ATP11A: variants seen among roughly 807,000 people sequenced by gnomAD.
ATP11A encodes the protein ATPase phospholipid transporting 11A.
In ATP11A, 81 loss-of-function variants were observed where a neutral mutation model predicts 154.4. The ratio of observed to expected loss-of-function variants is 0.52; its 90% CI spans 0.44 to 0.63. ATP11A has a LOEUF of 0.63. Among genes scored for constraint, ATP11A ranks in the 30% least tolerant of loss-of-function variants. The pLI is 0.00. For synonymous variants in ATP11A, 623 were observed against 585.9 expected (o/e 1.06, Z -0.91); for missense variants, 1,316 against 1,474.3 (o/e 0.89, Z 1.76).
Position 112,832,941 on chromosome 13 carries a change from A to G in ATP11A, c.1477A>G (p.Arg493Gly), listed in dbSNP as rs1299732650. The G allele has an allele frequency of 6.2e-7, 1 of 1,614,010 alleles. No individual in the cohort carries two copies. Among genetic ancestry groups the G allele is most frequent in the South Asian group, 1.1e-5 (1 of 91,076 alleles). ...AGACGATGACAGCGTAGACGGCCCC[A>G]GGAAATCGCCGGACGGGGGGAAATC... is the stretch of plus-strand genomic sequence containing the variant. ...VKDDDSVDGPRKSPDGGKSCV... is the reference protein window; with the variant it reads ...VKDDDSVDGPGKSPDGGKSCV... Residue 493 changes from arginine to glycine, a missense_variant, in exon 14 of 30, where the codon AGG becomes GGG. By Grantham distance (125) the Arg-to-Gly change is moderately radical (BLOSUM62 -2). Transcript: ENST00000375645.
chr13:112,755,287 T>C (rs17694810), intron 1 of ATP11A, among the ~76,000 whole-genome samples: 3,362 of 152,228 alleles, frequency 0.022, 51 homozygotes, highest in Non-Finnish European at 0.033. Context: ...CGCTGGGTTT[T>C]CGTGTCTTCT....
intron 2 of ATP11A, among the ~76,000 whole-genome samples, chr13:112,791,803 T>G (rs996615842): frequency 6.6e-6 from 1 of 152,190 alleles, no homozygotes; most frequent in Non-Finnish European, 1.5e-5. Flanking sequence ...CTTCAGTTTC[T>G]GATCCGGGGA....
At chr13:112,772,028 G>A (rs1470725263) in intron 1 of ATP11A, among the ~76,000 whole-genome samples, 2 of 152,226 alleles carry the variant, frequency 1.3e-5, no homozygotes, top group Non-Finnish European at 2.9e-5. Context: ...CGAGGCGGCA[G>A]CGGCTGAGGC....
chr13:112,791,615 C>G (rs1232519562), intron 2 of ATP11A, among the ~76,000 whole-genome samples: 3 of 152,214 alleles, frequency 2.0e-5, no homozygotes, highest in Non-Finnish European at 4.4e-5. Context: ...GACCCCTCTG[C>G]TGTGTCATTC....
At chr13:112,704,993 G>A (rs902539910) in intron 1 of ATP11A, among the ~76,000 whole-genome samples, 1 of 152,158 alleles carries the variant, frequency 6.6e-6, no homozygotes, top group African/African-American at 2.4e-5. Context: ...TTCACTTTCC[G>A]ATAAAATGCC....
intron 1 of ATP11A, among the ~76,000 whole-genome samples, chr13:112,736,422 C>T (rs1003692153): frequency 7.9e-5 from 12 of 152,152 alleles, no homozygotes; most frequent in Admixed American, 7.2e-4. Context: ...CTGGGGTGGC[C>T]TGGAGCTTTC....
In ATP11A at chr13:112,816,153, G is replaced by A. The variant is rs775181497; in HGVS notation, c.512G>A (p.Arg171Gln). The part of the protein sequence containing the change: ...PCDLIFLSSN[R>Q]GDGTCHVTTA... ...GACTTGATCTTCCTTTCCAGCAACC[G>A]GGGAGATGGGACGTGCCACGTCACC... The change falls in exon 6 of 30, where the codon CGG becomes CAG. Residue 171 changes from arginine to glutamine, a missense_variant. Physicochemically the swap from Arg to Gln is conservative, Grantham distance 43. Around this residue, in one of 5 missense-constraint regions of ATP11A, gnomAD observed 876 missense variants for 1,006.8 expected, o/e 0.87. Coordinates refer to ENST00000375645, the MANE Select transcript of ATP11A (RefSeq NM_015205.3). 31 of 1,614,038 alleles carry A rather than the reference G, an allele frequency of 1.9e-5. No homozygotes were observed. The highest frequency in any genetic ancestry group is 9.9e-5 in the South Asian group (9 of 91,090).
At position 112,710,259 on chromosome 13, in the gene ATP11A, T is replaced by G. The variant is rs555401986; in HGVS notation, c.39+19804T>G. Among the ~76,000 whole-genome samples the G allele has an allele frequency of 6.6e-5, 10 of 152,310 alleles. 1 individual carries two copies. In the South Asian group the frequency reaches 2.1e-3, roughly 32 times the overall value. On this transcript the variant is annotated intron_variant, in intron 1 of 29. Transcript: ENST00000375645. ...GGGGGCCCTTTGGAAAGGCTCTTTC[T>G]CACAAAGAATGCATCGTGTTCGCAA...
intron 1 of ATP11A, among the ~76,000 whole-genome samples, chr13:112,725,132 A>G (rs1433610162): frequency 1.3e-5 from 2 of 151,838 alleles, no homozygotes; most frequent in East Asian, 1.9e-4. Context: ...CCCTCTGTCA[A>G]CCCTGTTCTG....
intron 2 of ATP11A, among the ~76,000 whole-genome samples, chr13:112,792,326 G>GA (rs34777567): frequency 5.6e-4 from 85 of 150,506 alleles, no homozygotes; most frequent in African/African-American, 1.5e-3. Context: ...CAGGATGTGT[G>GA]AAAAAAAAAT....
At chr13:112,792,327 A>G (rs886791767) in intron 2 of ATP11A, among the ~76,000 whole-genome samples, 4 of 151,298 alleles carry the variant, frequency 2.6e-5, no homozygotes, top group African/African-American at 9.7e-5. Flanking sequence ...AGGATGTGTG[A>G]AAAAAAAATG....
At chr13:112,871,184 C>T (rs1218723593) in intron 25 of ATP11A, among the ~76,000 whole-genome samples, 2 of 152,188 alleles carry the variant, frequency 1.3e-5, no homozygotes, top group Non-Finnish European at 2.9e-5. Context: ...ACGTTCCCGC[C>T]GCTGTTCTTC....
chr13:112,820,312 T>G (rs2078764935), intron 8 of ATP11A, among the ~76,000 whole-genome samples: 1 of 152,220 alleles, frequency 6.6e-6, no homozygotes, highest in African/African-American at 2.4e-5. Context: ...TCTTCAGATA[T>G]GAAATTGAAA....
chr13:112,864,345 G>GC (rs1452791128), intron 25 of ATP11A, among the ~76,000 whole-genome samples: 2 of 25,210 alleles, frequency 7.9e-5, no homozygotes, highest in African/African-American at 2.8e-4. Flanking sequence ...TTCAGTGCAG[G>GC]CCATGCAGCT....
chr13:112,731,457 C>T (rs1166246412), intron 1 of ATP11A, among the ~76,000 whole-genome samples: 7 of 152,098 alleles, frequency 4.6e-5, no homozygotes, highest in South Asian at 2.1e-4. Context: ...GTCCACAGCC[C>T]AAGTCTCATT....
chr13:112,718,272 C>G (rs527333284), intron 1 of ATP11A, among the ~76,000 whole-genome samples: 2 of 152,318 alleles, frequency 1.3e-5, no homozygotes, highest in African/African-American at 4.8e-5. Flanking sequence ...ATTAAAAGCA[C>G]CTGGATTTTT....
intron 25 of ATP11A, among the ~76,000 whole-genome samples, chr13:112,869,464 G>C (rs1050386720): frequency 2.0e-5 from 3 of 152,244 alleles, no homozygotes; most frequent in Non-Finnish European, 4.4e-5. Context: ...AGAGGGGACA[G>C]TGAGGAGGCC....
intron 26 of ATP11A, 175 bp from the exon 27 acceptor site, chr13:112,873,398 G>C (rs4907555): frequency 2.0e-6 from 1 of 498,032 alleles, no homozygotes; most frequent in East Asian, 3.6e-5. Flanking sequence ...CTTCCTGAGC[G>C]GTGTGAGGTG....
At chr13:112,789,378 A>G (rs935310766) in intron 2 of ATP11A, among the ~76,000 whole-genome samples, 10 of 148,912 alleles carry the variant, frequency 6.7e-5, no homozygotes, top group African/African-American at 1.3e-4. Flanking sequence ...GTGGAGACCT[A>G]CTTAATTCAC....
Sources: allele counts gnomAD v4.1 joint callset (sites outside exome capture counted in the v4.1 genomes callset), GRCh38; gene constraint gnomAD v4.1.1; regional missense constraint gnomAD v4.1.1; transcripts MANE v1.5; gene names NCBI Gene and HGNC (gene_info 2026-07-23, HGNC 2026-07-21).